ATP6V1E2: variants seen among roughly 807,000 people sequenced by gnomAD.
ATP6V1E2 encodes ATPase H+ transporting V1 subunit E2.
For synonymous variants in ATP6V1E2, 121 were observed against 104.2 expected (o/e 1.16, Z -0.98); for missense variants, 308 against 273.3 (o/e 1.13, Z -0.90).
chr2:46,520,438 C>T (rs539049967), intron 4 of ATP6V1E2, among the ~76,000 whole-genome samples: 8 of 152,364 alleles, frequency 5.3e-5, no homozygotes, highest in African/African-American at 1.9e-4. Context: ...GGCACCCACT[C>T]CGCCTGTGCT....
intron 4 of ATP6V1E2, among the ~76,000 whole-genome samples, chr2:46,534,055 T>C (rs1211229540): frequency 6.6e-6 from 1 of 152,216 alleles, no homozygotes; most frequent in Non-Finnish European, 1.5e-5. Flanking sequence ...TGATATGGTT[T>C]GCTTTGTTTT....
chr2:46,532,120 T>A (rs1231363389), intron 4 of ATP6V1E2, among the ~76,000 whole-genome samples: 3 of 152,230 alleles, frequency 2.0e-5, no homozygotes, highest in African/African-American at 4.8e-5. Flanking sequence ...TCCCTAGGTT[T>A]TCTCCTAAAA....
intron 4 of ATP6V1E2, among the ~76,000 whole-genome samples, chr2:46,532,098 A>T (rs1434619351): frequency 6.6e-6 from 1 of 152,154 alleles, no homozygotes; most frequent in Non-Finnish European, 1.5e-5. Flanking sequence ...TATATAAGAA[A>T]CTGTTGATCT....
chr2:46,526,338 C>A (rs1356810715), intron 4 of ATP6V1E2, among the ~76,000 whole-genome samples: 1 of 152,176 alleles, frequency 6.6e-6, no homozygotes, highest in Non-Finnish European at 1.5e-5. Flanking sequence ...TGGTCTTGAA[C>A]TCCTGGACCT....
At chr2:46,532,612 C>G (rs941673746) in intron 4 of ATP6V1E2, among the ~76,000 whole-genome samples, 8 of 152,086 alleles carry the variant, frequency 5.3e-5, no homozygotes, top group African/African-American at 2.4e-5. Flanking sequence ...GGATTAGTGC[C>G]CTTATAAAAG....
intron 2 of ATP6V1E2, among the ~76,000 whole-genome samples, chr2:46,538,449 T>C (rs1256052844): frequency 2.0e-5 from 3 of 152,030 alleles, no homozygotes; most frequent in Non-Finnish European, 4.4e-5. Context: ...TATAATAGGA[T>C]TCCTTTGGTT....
chr2:46,540,601 C>A (rs951938435), intron 2 of ATP6V1E2, among the ~76,000 whole-genome samples: 2 of 124,536 alleles, frequency 1.6e-5, no homozygotes, highest in Non-Finnish European at 3.4e-5. Flanking sequence ...AATTTGAGAG[C>A]TTTTTCTGTA....
At position 46,526,826 on chromosome 2, in the gene ATP6V1E2, C is replaced by T. The variant is rs568636823; in HGVS notation, c.-102+8987G>A. On this transcript the variant is annotated intron_variant, in intron 4 of 4. Coordinates refer to ENST00000522587, the MANE Select transcript of ATP6V1E2 (RefSeq NM_001318063.2). ...CCTTTCTTGGCTGTTGTGAATAATG[C>T]TGCTATGAACATGGGTATATAAATA... Among the ~76,000 whole-genome samples the T allele has an allele frequency of 2.0e-5, 3 of 152,286 alleles. No individual in the cohort carries two copies. The South Asian group carries it at 6.2e-4, about 32-fold the overall frequency.
Position 46,514,593 on chromosome 2 carries a change from T to C in ATP6V1E2, c.-101-1781A>G, listed in dbSNP as rs1687629114. Among the ~76,000 whole-genome samples, 4 of 152,066 alleles carry C rather than the reference T, an allele frequency of 2.6e-5. No homozygotes were observed. The South Asian group carries it at 8.3e-4, about 31-fold the overall frequency. ...GAGCTTGAAGATATAACATTTGAAA[T>C]TATCCAGTCAAAGGAGCAAAAAGAA... On this transcript the variant is annotated intron_variant, in intron 4 of 4. Transcript: ENST00000522587.
At chr2:46,533,863 T>C (rs967651999) in intron 4 of ATP6V1E2, among the ~76,000 whole-genome samples, 1 of 152,238 alleles carries the variant, frequency 6.6e-6, no homozygotes, top group Non-Finnish European at 1.5e-5. Context: ...TGCTTTCTTT[T>C]TCTTTTATCA....
intron 4 of ATP6V1E2, among the ~76,000 whole-genome samples, chr2:46,514,308 G>GAAAAAAC (rs1687616686): frequency 6.6e-6 from 1 of 151,720 alleles, no homozygotes; most frequent in South Asian, 2.1e-4. Context: ...AAAGAAAAAA[G>GAAAAAAC]AAAAAAGGAA....
At chr2:46,525,470 AAAAAAAG>A (rs1299129327) in intron 4 of ATP6V1E2, among the ~76,000 whole-genome samples, 22 of 125,686 alleles carry the variant, frequency 1.8e-4, no homozygotes, top group African/African-American at 4.5e-4. Context: ...TCAAAAAAAA[AAAAAAAG>A]AAAAAAAAAA....
intron 4 of ATP6V1E2, among the ~76,000 whole-genome samples, chr2:46,514,295 T>TAAAAAGA (rs113728104): frequency 0.46 from 68,667 of 149,588 alleles, 15,875 homozygotes; most frequent in South Asian, 0.54. Flanking sequence ...AATAAATAAA[T>TAAAAAGA]AAAAAGAAAA....
At chr2:46,523,588 A>G (rs762741397) in intron 4 of ATP6V1E2, among the ~76,000 whole-genome samples, 15 of 152,024 alleles carry the variant, frequency 9.9e-5, no homozygotes, top group African/African-American at 2.4e-4. Flanking sequence ...CCATTGGCCT[A>G]TATGTCTGTT....
Position 46,542,231 on chromosome 2 carries a change from C to G in ATP6V1E2, c.-388G>C, listed in dbSNP as rs1367917467. 1.3e-5 allele frequency: 2 copies of G among 150,108 alleles called. No homozygotes were observed. The highest frequency in any genetic ancestry group is 4.9e-5 in the African/African-American group (2 of 40,776). The allele number at this position is 150,108 out of a possible 1,614,324, so 9.3% of individuals were successfully genotyped here. On this transcript the variant is annotated 5_prime_UTR_variant, in exon 1 of 5. Coordinates refer to ENST00000522587, the MANE Select transcript of ATP6V1E2 (RefSeq NM_001318063.2). ...TTTTTTTTTACCCTTTTGGTCTCTC[C>G]TCCTTGATTTCTAGTTCCGTTGTGC...
chr2:46,523,955 T>C (rs1240441814), intron 4 of ATP6V1E2, among the ~76,000 whole-genome samples: 4 of 152,200 alleles, frequency 2.6e-5, no homozygotes, highest in Non-Finnish European at 5.9e-5. Flanking sequence ...ACATCCCTTG[T>C]TAGCTGTGTT....
At chr2:46,515,233 A>G (rs997742307) in intron 4 of ATP6V1E2, among the ~76,000 whole-genome samples, 2 of 152,240 alleles carry the variant, frequency 1.3e-5, no homozygotes, top group African/African-American at 4.8e-5. Flanking sequence ...GAATACTGTA[A>G]TACTGTAATG....
At position 46,512,305 on chromosome 2, in the gene ATP6V1E2, C is replaced by T. The variant is rs1353420931; in HGVS notation, c.407G>A (p.Cys136Tyr). The stretch of plus-strand genomic sequence containing the variant: ...CACCAGGAGGAGGTCTTGTGGCCGG[C>T]AGCGTACAATCATCACAGGTTCCAG... ...RLLEPVMIVRCRPQDLLLVEA... is the reference protein window; with the variant it reads ...RLLEPVMIVRYRPQDLLLVEA... The change falls in exon 5 of 5, where the codon TGC (cysteine) becomes TAC (tyrosine). Residue 136 changes from cysteine to tyrosine, a missense_variant. Physicochemically the swap from Cys to Tyr is radical, Grantham distance 194 (BLOSUM62 -2). Coordinates refer to ENST00000522587, the MANE Select transcript of ATP6V1E2 (RefSeq NM_001318063.2). 4 of 1,611,340 alleles carry T rather than the reference C, an allele frequency of 2.5e-6. No homozygotes were observed. The South Asian group carries it at 4.4e-5, about 18-fold the overall frequency.
At chr2:46,537,491 G>T (rs539527497) in intron 2 of ATP6V1E2, 1 of 152,136 alleles carries the variant, frequency 6.6e-6, no homozygotes, top group Non-Finnish European at 1.5e-5. Context: ...TATATGGATG[G>T]TGATGCCTGG....
Sources: gnomAD v4.1 joint callset for allele counts (sites outside exome capture counted in the v4.1 genomes callset) on GRCh38, gnomAD v4.1.1 for gene constraint, MANE v1.5 for transcripts, NCBI Gene and HGNC (gene_info 2026-07-23, HGNC 2026-07-21) for gene names.